The following COL5A1 variants were observed in gnomAD, a reference collection of about 807,000 sequenced individuals.
COL5A1 encodes the protein collagen alpha-1(V) chain.
COL5A1 carries 16 observed loss-of-function variants against 263.7 expected under a neutral mutation model. The ratio of observed to expected loss-of-function variants is 0.06; its 90% CI spans 0.04 to 0.09. The LOEUF is 0.09. Ranked by LOEUF, COL5A1 falls within the 10% of genes least tolerant of loss-of-function variation. The probability of loss-of-function intolerance (pLI) is 1.00; values close to 1 mark genes in which losing one functional copy is unlikely to be tolerated. For synonymous variants in COL5A1, 1,012 were observed against 1,004.5 expected (o/e 1.01, Z -0.14); for missense variants, 2,036 against 2,540.5 (o/e 0.80, Z 4.27).
At chr9:134,724,299 G>A (rs1213262504) in intron 4 of COL5A1, among the ~76,000 whole-genome samples, 1 of 152,232 alleles carries the variant, frequency 6.6e-6, no homozygotes, top group Non-Finnish European at 1.5e-5. Context: ...GCTCTGTGAG[G>A]TCAATGCTGC....
chr9:134,670,671 G>A (rs1832512934), intron 1 of COL5A1, among the ~76,000 whole-genome samples: 1 of 152,178 alleles, frequency 6.6e-6, no homozygotes, highest in Non-Finnish European at 1.5e-5. Flanking sequence ...ACTCTTAAGA[G>A]TGGAAACTCA....
intron 4 of COL5A1, among the ~76,000 whole-genome samples, chr9:134,718,668 C>T (rs1588468013): frequency 6.6e-6 from 1 of 152,198 alleles, no homozygotes; most frequent in African/African-American, 2.4e-5. Flanking sequence ...GTTCTGTGTG[C>T]AGGATGTGTG....
chr9:134,705,126 A>T (rs1472389297), intron 4 of COL5A1, among the ~76,000 whole-genome samples: 2 of 152,216 alleles, frequency 1.3e-5, no homozygotes, highest in African/African-American at 4.8e-5. Flanking sequence ...ACCAAACTCT[A>T]AGAGAGTTCG....
intron 11 of COL5A1, among the ~76,000 whole-genome samples, chr9:134,746,517 G>A (rs531141255): frequency 1.3e-5 from 2 of 152,380 alleles, no homozygotes; most frequent in South Asian, 4.1e-4. Context: ...TGCAGTGGCA[G>A]AGGGAGCCAC....
In COL5A1 at chr9:134,782,676, G is replaced by A. The variant is rs1430715311; in HGVS notation, c.2440G>A (p.Gly814Ser). The A allele has an allele frequency of 6.2e-6, 10 of 1,613,900 alleles. No individual in the cohort carries two copies. The highest frequency in any genetic ancestry group is 4.0e-5 in the African/African-American group (3 of 74,920). Residue 814 changes from glycine to serine, a missense_variant, in exon 29 of 66, where the codon GGC (glycine) becomes AGC (serine). Coordinates refer to ENST00000371817, the MANE Select transcript of COL5A1 (RefSeq NM_000093.5). ...CTTGTCCCATATTCAGGGTGAAGAC[G>A]GCTTTCCTGGGTTTAAAGGAGACAT... ...KGTKGEKGED[G>S]FPGFKGDMGI...
At chr9:134,683,525 T>C (rs1477071241) in intron 1 of COL5A1, among the ~76,000 whole-genome samples, 1 of 152,240 alleles carries the variant, frequency 6.6e-6, no homozygotes, top group Non-Finnish European at 1.5e-5. Flanking sequence ...CAGGCACAGC[T>C]TGATCCAGCT....
chr9:134,747,006 G>A (rs934495381), intron 11 of COL5A1, among the ~76,000 whole-genome samples: 4 of 152,194 alleles, frequency 2.6e-5, no homozygotes, highest in East Asian at 1.9e-4. Flanking sequence ...AAGTCTTTAC[G>A]TTAGAGACCA....
At chr9:134,813,554 T>C (rs115438855) in intron 48 of COL5A1, among the ~76,000 whole-genome samples, 137 of 152,284 alleles carry the variant, frequency 9.0e-4, no homozygotes, top group African/African-American at 3.2e-3. Context: ...AGGGCGCATG[T>C]TTCTGTTCAC....
In COL5A1 at chr9:134,716,081, TGTGGTGG is replaced by T. The variant is rs1304567815; in HGVS notation, c.655-11184_655-11178del. On this transcript the variant is annotated intron_variant, in intron 4 of 65. Transcript: ENST00000371817. This position sits in a 1 kb window ranked among gnomAD's most constrained non-coding sequence, Gnocchi z 4.5. ...CTGGTGGTGGTCATGATGCTAGCAGTGTGGTGGTTCTGTGGTTTTGGTGCTGGTGGTG... is the reference window on the plus strand; with the variant it reads ...CTGGTGGTGGTCATGATGCTAGCAGTTTCTGTGGTTTTGGTGCTGGTGGTG... Among the ~76,000 whole-genome samples, 1 of 151,978 alleles carries T rather than the reference TGTGGTGG, an allele frequency of 6.6e-6. No individual in the cohort carries two copies. Among genetic ancestry groups the T allele is most frequent in the African/African-American group, 2.4e-5 (1 of 41,352 alleles).
chr9:134,800,637 C>T (rs1188934238), intron 37 of COL5A1, among the ~76,000 whole-genome samples: 3 of 149,840 alleles, frequency 2.0e-5, no homozygotes, highest in Admixed American at 6.7e-5. Flanking sequence ...CCCAGCTACT[C>T]AGGAGGCTGA....
At chr9:134,822,348 CA>C (rs1228428576) in intron 59 of COL5A1, among the ~76,000 whole-genome samples, 198 bp downstream of exon 59, 2 of 152,192 alleles carry the variant, frequency 1.3e-5, no homozygotes, top group African/African-American at 4.8e-5. Flanking sequence ...GTTGCCCGGC[CA>C]TGGTTTTTGG....
At chr9:134,760,251 C>T (rs530371008) in intron 18 of COL5A1, among the ~76,000 whole-genome samples, 13 of 110,546 alleles carry the variant, frequency 1.2e-4, no homozygotes, top group African/African-American at 6.2e-4. Flanking sequence ...TACACACCCA[C>T]ACACCCCACA....
chr9:134,681,235 G>A lies in COL5A1; in HGVS notation c.110-9677G>A, dbSNP rs1221134455. 3.3e-5 allele frequency among the ~76,000 whole-genome samples: 5 copies of A among 152,166 alleles called. No homozygotes were observed. The highest frequency in any genetic ancestry group is 2.1e-4 in the South Asian group (1 of 4,834). On this transcript the variant is annotated intron_variant, in intron 1 of 65. Coordinates refer to ENST00000371817, the MANE Select transcript of COL5A1 (RefSeq NM_000093.5). The surrounding 1 kb of genome is among the most constrained non-coding windows in gnomAD (Gnocchi z 4.3). Reference sequence around the variant, plus strand: ...GGCTCGATGGCTCGGCCCTCAGCCCGGCCCTTCAAGAACTGTGGCTCTCTG... The same window carrying A: ...GGCTCGATGGCTCGGCCCTCAGCCCAGCCCTTCAAGAACTGTGGCTCTCTG...
rs1170318757 is a variant in COL5A1, at chr9:134,755,213, G to A, written c.1827+887G>A. 6.6e-6 allele frequency among the ~76,000 whole-genome samples: 1 copy of A among 152,150 alleles called. No homozygotes were observed. The highest frequency in any genetic ancestry group is 2.4e-5 in the African/African-American group (1 of 41,448). ...CAGGAGGATTAGCAGCTCTGGAATC[G>A]ACTCTTGGTAGACAATTGGGCCATT... On this transcript the variant is annotated intron_variant, in intron 16 of 65. Transcript: ENST00000371817. This position sits in a 1 kb window ranked among gnomAD's most constrained non-coding sequence, Gnocchi z 4.1.
intron 1 of COL5A1, among the ~76,000 whole-genome samples, chr9:134,662,562 G>A (rs868308642): frequency 5.3e-5 from 8 of 152,210 alleles, no homozygotes; most frequent in East Asian, 1.9e-4. Flanking sequence ...GGGACATTCC[G>A]CGCTCCTTGG....
At position 134,642,316 on chromosome 9, in the gene COL5A1, C is replaced by T. The variant is rs1023896263; in HGVS notation, c.109+20C>T. 5.1e-6 allele frequency: 4 copies of T among 791,830 alleles called. No individual in the cohort carries two copies. Among genetic ancestry groups the T allele is most frequent in the Non-Finnish European group, 6.5e-6 (4 of 611,716 alleles). The allele number at this position is 791,830 out of a possible 1,614,324, so 49.1% of individuals were successfully genotyped here. A position where few individuals can be genotyped will look rare whatever the true frequency, so the allele number is the denominator to read the frequency against. ...GCGCAGGTAAGGGCGCCCCGGGGCG[C>T]GGGGCTGCGGGATGGGGCGCGCGCA... On this transcript the variant is annotated intron_variant, in intron 1 of 65. Coordinates refer to ENST00000371817, the MANE Select transcript of COL5A1 (RefSeq NM_000093.5). The surrounding 1 kb of genome is among the most constrained non-coding windows in gnomAD (Gnocchi z 4.5).
intron 32 of COL5A1, among the ~76,000 whole-genome samples, chr9:134,790,391 C>A (rs1470556235): frequency 8.8e-6 from 1 of 114,210 alleles, no homozygotes; most frequent in African/African-American, 3.4e-5. Flanking sequence ...TCCACCCACC[C>A]ACCCACCCAC....
chr9:134,811,192 G>A, intron 44 of COL5A1, 147 bp from the exon 45 acceptor site: 1 of 795,546 alleles, frequency 1.3e-6, no homozygotes. Context: ...CAGCAGGCTT[G>A]CATCGTGGTG....
intron 43 of COL5A1, 96 bp downstream of exon 43, chr9:134,809,386 G>C (rs2132839198): frequency 4.1e-6 from 4 of 971,848 alleles, no homozygotes; most frequent in East Asian, 2.6e-5. Context: ...CTGGCAGGTA[G>C]AGCGGCTCAG....
Sources: allele counts gnomAD v4.1 joint callset (sites outside exome capture counted in the v4.1 genomes callset), GRCh38; gene constraint gnomAD v4.1.1; non-coding constraint Gnocchi (gnomAD v3.1); transcripts MANE v1.5; gene names NCBI Gene and HGNC (gene_info 2026-07-23, HGNC 2026-07-21).